ULK2: variants seen among roughly 807,000 people sequenced by gnomAD.
ULK2 encodes the protein unc-51 like autophagy activating kinase 2.
In ULK2, 76 loss-of-function variants were observed where a neutral mutation model predicts 127.5. That is an observed-to-expected ratio of 0.60 (90% CI 0.50 to 0.72). The LOEUF (loss-of-function observed/expected upper bound fraction) is 0.72. ULK2 is among the 30% of genes least tolerant of loss of function. The pLI is 0.00. For synonymous variants in ULK2, 452 were observed against 461.9 expected (o/e 0.98, Z 0.28); for missense variants, 1,144 against 1,295.9 (o/e 0.88, Z 1.80).
intron 12 of ULK2, among the ~76,000 whole-genome samples, chr17:19,822,653 C>G (rs1365492360): frequency 6.6e-6 from 1 of 151,806 alleles, no homozygotes; most frequent in Non-Finnish European, 1.5e-5. Context: ...TAGGCATGAA[C>G]CACCACACCC....
intron 20 of ULK2, among the ~76,000 whole-genome samples, chr17:19,793,046 G>T (rs762850390): frequency 2.0e-5 from 3 of 152,136 alleles, no homozygotes; most frequent in Non-Finnish European, 2.9e-5. Context: ...ATTTATAAAG[G>T]AAAGAGGTTT....
intron 20 of ULK2, among the ~76,000 whole-genome samples, chr17:19,794,181 A>T (rs1002344598): frequency 6.6e-6 from 1 of 152,154 alleles, no homozygotes; most frequent in Non-Finnish European, 1.5e-5. Flanking sequence ...AAGCAAAGAG[A>T]AATAAGAATG....
intron 12 of ULK2, among the ~76,000 whole-genome samples, chr17:19,824,286 G>C (rs1225830829): frequency 6.6e-6 from 1 of 151,628 alleles, no homozygotes; most frequent in Non-Finnish European, 1.5e-5. Flanking sequence ...CTCTACAAAA[G>C]ATACAAAAAA....
chr17:19,803,838 T>A (rs894477941), intron 15 of ULK2, among the ~76,000 whole-genome samples: 1 of 152,238 alleles, frequency 6.6e-6, no homozygotes, highest in Admixed American at 6.5e-5. Flanking sequence ...ATGTAGACTA[T>A]GTCCATGACA....
chr17:19,803,441 C>T (rs2087443904), intron 15 of ULK2, among the ~76,000 whole-genome samples: 1 of 152,138 alleles, frequency 6.6e-6, no homozygotes, highest in Non-Finnish European at 1.5e-5. Flanking sequence ...ATAGCTTTAT[C>T]CATCTTTGCA....
intron 14 of ULK2, among the ~76,000 whole-genome samples, chr17:19,805,231 A>G (rs2152387332): frequency 6.6e-6 from 1 of 152,258 alleles, no homozygotes; most frequent in Middle Eastern, 3.4e-3. Flanking sequence ...AATGTTTGCA[A>G]AAGTCATGAA....
Position 19,838,583 on chromosome 17 carries a change from A to G in ULK2, c.705T>C (p.Ser235=). ...AATAAGGTGATGTTTCTCTGGGAAT[A>G]CTGGGGGAAAGGAAAAACACAACCA... ...FYEKNRSLMP[S]IPRETSPYLA... Residue 235 remains serine, a splice_region_variant and synonymous_variant, in exon 10 of 27, where the codon AGT becomes AGC. Transcript: ENST00000395544. 1.9e-6 allele frequency: 3 copies of G among 1,611,580 alleles called. No individual in the cohort carries two copies. The highest frequency in any genetic ancestry group is 2.5e-6 in the Non-Finnish European group (3 of 1,179,294).
In ULK2 at chr17:19,796,238, G is replaced by T. The variant is rs778534903; in HGVS notation, c.1854C>A (p.Asn618Lys). 246 of 1,614,072 alleles carry T rather than the reference G, an allele frequency of 1.5e-4. 3 individuals are homozygous for T. The East Asian group carries it at 5.4e-3, about 35-fold the overall frequency. Residue 618 changes from asparagine (N) to lysine (K), a missense_variant, in exon 19 of 27, where the codon AAC becomes AAA. By Grantham distance (94) the Asn-to-Lys change is moderately conservative. Transcript: ENST00000395544. ...FKIPKTQASS[N>K]LLALVTRHGP... ...CATGACGAGTAACCAAGGCTAACAG[G>T]TTGGAAGATGCTTGAGTTTTAGGGA...
intron 14 of ULK2, among the ~76,000 whole-genome samples, chr17:19,806,172 T>G (rs2087511910): frequency 6.6e-6 from 1 of 152,206 alleles, no homozygotes; most frequent in African/African-American, 2.4e-5. Context: ...CTCATAGGTC[T>G]GACAACCCAA....
intron 1 of ULK2, 106 bp downstream of exon 1, chr17:19,867,222 C>T (rs2042371279): frequency 1.1e-5 from 9 of 828,046 alleles, no homozygotes; most frequent in Non-Finnish European, 1.6e-5. Context: ...CATACCCGGG[C>T]GGCTAGCCGA....
chr17:19,843,950 G>A (rs944597821), intron 7 of ULK2, among the ~76,000 whole-genome samples: 3 of 151,988 alleles, frequency 2.0e-5, no homozygotes, highest in African/African-American at 4.8e-5. Flanking sequence ...GAGCCCCTGC[G>A]CCTGGCCTAT....
chr17:19,818,556 G>GT (rs2041052163), intron 12 of ULK2, among the ~76,000 whole-genome samples: 2 of 151,866 alleles, frequency 1.3e-5, no homozygotes, highest in Non-Finnish European at 2.9e-5. Context: ...ATTCTTTCTC[G>GT]TAACAGTGGA....
At chr17:19,825,998 A>AT (rs1366852668) in intron 11 of ULK2, 141 bp downstream of exon 11, 3,235 of 116,606 alleles carry the variant, frequency 0.028, 34 homozygotes, top group African/African-American at 0.051. Context: ...AAAAAAAAAA[A>AT]AAAAAATAAA....
intron 7 of ULK2, among the ~76,000 whole-genome samples, chr17:19,844,164 C>T (rs918173500): frequency 3.9e-5 from 6 of 152,196 alleles, no homozygotes; most frequent in African/African-American, 1.4e-4. Context: ...TTCTCTGCTG[C>T]TTTGTTACGG....
intron 13 of ULK2, among the ~76,000 whole-genome samples, chr17:19,815,361 C>T (rs2040962107): frequency 6.6e-6 from 1 of 152,060 alleles, no homozygotes; most frequent in African/African-American, 2.4e-5. Flanking sequence ...CCCAGGGACC[C>T]CAGTGCTCCT....
chr17:19,828,035 T>C (rs1189353893), intron 10 of ULK2, among the ~76,000 whole-genome samples: 3 of 152,112 alleles, frequency 2.0e-5, no homozygotes, highest in African/African-American at 7.2e-5. Flanking sequence ...CAACTTGTAA[T>C]ATACAGGGAT....
At chr17:19,831,688 G>A (rs571112531) in intron 10 of ULK2, among the ~76,000 whole-genome samples, 16 of 151,660 alleles carry the variant, frequency 1.1e-4, no homozygotes, top group African/African-American at 3.4e-4. Context: ...TTAGCCGGGC[G>A]TGGTGGTGGG....
rs780478734 is a variant in ULK2 at position 19,795,124 on chromosome 17, G to A, written c.2101+498C>T. Reference sequence around the variant, plus strand: ...ATTTAAGCAAGCAAGTCTGGAATACGGAATTACAGTCTAGAATCTCCATTT... The same window carrying A: ...ATTTAAGCAAGCAAGTCTGGAATACAGAATTACAGTCTAGAATCTCCATTT... On this transcript the variant is annotated intron_variant, in intron 20 of 26. Transcript: ENST00000395544. Among the ~76,000 whole-genome samples, 7 of 151,704 alleles carry A rather than the reference G, an allele frequency of 4.6e-5. No individual in the cohort carries two copies. The East Asian group carries it at 1.4e-3, about 29-fold the overall frequency.
Position 19,858,056 on chromosome 17 carries a change from T to C in ULK2, c.225+6747A>G, listed in dbSNP as rs115906374. ...TCCCATTTTCCTAGGCCCCATATTGTTCAAACCTCGCCAAGAGCTCTCCCT... is the reference window on the plus strand; with the variant it reads ...TCCCATTTTCCTAGGCCCCATATTGCTCAAACCTCGCCAAGAGCTCTCCCT... On this transcript the variant is annotated intron_variant, in intron 3 of 26. Coordinates refer to ENST00000395544, the MANE Select transcript of ULK2 (RefSeq NM_014683.4). Among the ~76,000 whole-genome samples the C allele has an allele frequency of 4.1e-3, 617 of 152,226 alleles. 2 individuals carry two copies. Among genetic ancestry groups the C allele is most frequent in the African/African-American group, 0.014 (594 of 41,564 alleles).
Sources: gnomAD v4.1 joint callset for allele counts (sites outside exome capture counted in the v4.1 genomes callset) on GRCh38, gnomAD v4.1.1 for gene constraint, MANE v1.5 for transcripts, NCBI Gene and HGNC (gene_info 2026-07-23, HGNC 2026-07-21) for gene names.